The following MICAL3 variants were observed in gnomAD, a reference collection of about 807,000 sequenced individuals.
MICAL3 encodes the protein [F-actin]-monooxygenase MICAL3.
MICAL3 carries 62 observed loss-of-function variants against 207.4 expected under a neutral mutation model. That is an observed-to-expected ratio of 0.30 (90% CI 0.24 to 0.37). The LOEUF (loss-of-function observed/expected upper bound fraction) is 0.37, where lower values mean the gene tolerates loss of function less well. MICAL3 is among the 10% of genes least tolerant of loss of function. MICAL3 has a pLI of 1.00. For synonymous variants in MICAL3, 1,077 were observed against 1,069.3 expected (o/e 1.01, Z -0.14); for missense variants, 2,368 against 2,635.6 (o/e 0.90, Z 2.22).
At position 17,818,417 on chromosome 22, in the gene MICAL3, G is replaced by A. The variant is rs765860781; in HGVS notation, c.4244C>T (p.Ala1415Val). 3.4e-5 allele frequency: 55 copies of A among 1,612,088 alleles called. No individual in the cohort carries two copies. Among genetic ancestry groups the A allele is most frequent in the Non-Finnish European group, 4.4e-5 (52 of 1,179,870 alleles). The change falls in exon 26 of 32, where the codon GCC becomes GTC. Residue 1415 changes from alanine to valine, a missense_variant. By Grantham distance (64) the Ala-to-Val change is moderately conservative. Coordinates refer to ENST00000441493, the MANE Select transcript of MICAL3 (RefSeq NM_015241.3). ...GGACAGCTCCCTGCGCTCCTCCTGG[G>A]CGCTGCGTAGCTCTCTGTCGGACGG... is the stretch of plus-strand genomic sequence containing the variant. Reference protein sequence around the residue: ...RSPSDRELRSAQEERRELSSS... With the variant: ...RSPSDRELRSVQEERRELSSS...
At chr22:17,825,027 C>T (rs10427825) in intron 22 of MICAL3, among the ~76,000 whole-genome samples, 1,975 of 152,252 alleles carry the variant, frequency 0.013, 48 homozygotes, top group African/African-American at 0.044. Context: ...AATATGGCAA[C>T]TCTACACTCT....
In MICAL3 at chr22:17,790,709, A is replaced by T. The variant is rs143409478; in HGVS notation, c.*23T>A. Reference sequence around the variant, plus strand: ...TGCCTGGCCAGGCGGATGCCAACAGAAAATGGAGCGTTGGGTGGGAGCTCA... The same window carrying T: ...TGCCTGGCCAGGCGGATGCCAACAGTAAATGGAGCGTTGGGTGGGAGCTCA... On this transcript the variant is annotated 3_prime_UTR_variant, in exon 32 of 32. Transcript: ENST00000441493. 4.6e-4 allele frequency: 728 copies of T among 1,567,342 alleles called. 7 individuals are homozygous for T. In the East Asian group the frequency reaches 0.014, roughly 30 times the overall value.
chr22:17,796,109 GGGCGCT>G lies in MICAL3; in HGVS notation c.5651-4814_5651-4809del, dbSNP rs1208420936. Among the ~76,000 whole-genome samples, 22 of 152,296 alleles carry G rather than the reference GGGCGCT, an allele frequency of 1.4e-4. No individual in the cohort carries two copies. The highest frequency in any genetic ancestry group is 2.6e-4 in the Non-Finnish European group (18 of 68,012). ...TTCTCAAAGCACTCCTGCGTGCCCT[GGGCGCT>G]GGCCACCCCTCCTGAGCTCCCGAGC... On this transcript the variant is annotated intron_variant, in intron 29 of 31. Transcript: ENST00000441493. This position sits in a 1 kb window ranked among gnomAD's most constrained non-coding sequence, Gnocchi z 4.4.
intron 1 of MICAL3, among the ~76,000 whole-genome samples, chr22:17,989,145 C>T (rs1026008063): frequency 1.3e-5 from 2 of 152,142 alleles, no homozygotes; most frequent in African/African-American, 4.8e-5. Context: ...CCACACTGTA[C>T]CCTGACATCC....
At chr22:17,916,254 T>C (rs1602213832) in intron 1 of MICAL3, among the ~76,000 whole-genome samples, 1 of 152,106 alleles carries the variant, frequency 6.6e-6, no homozygotes, top group Admixed American at 6.6e-5. Flanking sequence ...ATCTGCCGCA[T>C]GTCTCGCTGA....
chr22:18,013,170 C>T (rs1923853123), intron 1 of MICAL3, among the ~76,000 whole-genome samples: 1 of 152,196 alleles, frequency 6.6e-6, no homozygotes, highest in South Asian at 2.1e-4. Context: ...AGGCAGTTAC[C>T]TCCCTATTCT....
chr22:17,818,519 T>C lies in MICAL3; in HGVS notation c.4142A>G (p.Lys1381Arg). ...SPQDEGLHLL[K>R]PLSIPKRLGL... ...CAGCCTTTTGGGGATGGACAGAGGC[T>C]TGAGAAGGTGGAGTCCCTCATCCTG... Residue 1381 changes from lysine to arginine, a missense_variant, in exon 26 of 32, where the codon AAG becomes AGG. This residue lies in a region of MICAL3 where 1,770 missense variants were observed against 1,863.2 expected (regional missense o/e 0.95). Transcript: ENST00000441493. 6.2e-7 allele frequency: 1 copy of C among 1,613,264 alleles called. No homozygotes were observed. Among genetic ancestry groups the C allele is most frequent in the South Asian group, 1.1e-5 (1 of 91,078 alleles).
In MICAL3 at chr22:17,793,773, G is replaced by A. The variant is rs2061849028; in HGVS notation, c.5651-2472C>T. 6.6e-6 allele frequency: 1 copy of A among 152,314 alleles called. No individual in the cohort carries two copies. The highest frequency in any genetic ancestry group is 1.5e-5 in the Non-Finnish European group (1 of 68,140). 9.4% of individuals were successfully genotyped at this position (152,314 alleles called of 1,614,324 possible). ...GCAGAAGGAGAGAGGTCTACGTCGTGGAGTCCCGCCACTGGGCTCAACTTC... is the reference window on the plus strand; with the variant it reads ...GCAGAAGGAGAGAGGTCTACGTCGTAGAGTCCCGCCACTGGGCTCAACTTC... On this transcript the variant is annotated intron_variant, in intron 29 of 31. Coordinates refer to ENST00000441493, the MANE Select transcript of MICAL3 (RefSeq NM_015241.3). This position sits in a 1 kb window ranked among gnomAD's most constrained non-coding sequence, Gnocchi z 4.1.
intron 1 of MICAL3, among the ~76,000 whole-genome samples, chr22:17,965,654 A>C (rs992817340): frequency 1.3e-5 from 2 of 152,230 alleles, no homozygotes; most frequent in African/African-American, 4.8e-5. Context: ...ACTTGCCCCA[A>C]GTCACACAGT....
chr22:17,924,906 C>T (rs1191025558), intron 1 of MICAL3, among the ~76,000 whole-genome samples: 1 of 152,214 alleles, frequency 6.6e-6, no homozygotes, highest in African/African-American at 2.4e-5. Context: ...TCACAGTAAG[C>T]TTCCATCCCT....
chr22:17,841,544 G>A lies in MICAL3; in HGVS notation c.2801+278C>T, dbSNP rs1602026935. The A allele has an allele frequency of 1.8e-6, 1 of 565,794 alleles. No homozygotes were observed. The highest frequency in any genetic ancestry group is 2.8e-5 in the East Asian group (1 of 35,876). The allele number at this position is 565,794 out of a possible 1,614,324, so 35.0% of individuals were successfully genotyped here. ...AATCTGTGAATAACCCGGGGGCAGA[G>A]CCTGCCACTTTCCTTCCCAATGACA... On this transcript the variant is annotated intron_variant, in intron 20 of 31. Coordinates refer to ENST00000441493, the MANE Select transcript of MICAL3 (RefSeq NM_015241.3). This position sits in a 1 kb window ranked among gnomAD's most constrained non-coding sequence, Gnocchi z 4.2.
Position 17,818,201 on chromosome 22 carries a change from G to A in MICAL3, c.4460C>T (p.Pro1487Leu), listed in dbSNP as rs770043023. 42 of 1,556,422 alleles carry A rather than the reference G, an allele frequency of 2.7e-5. No homozygotes were observed. The highest frequency in any genetic ancestry group is 2.1e-4 in the East Asian group (9 of 42,258). ...CATCCAGGTGGCGGGCAAGGGCGGC[G>A]GGACCACCGAGGCATTGGGCTCGGC... ...REAEPNASVVPPPLPATWMRP... is the reference protein window; with the variant it reads ...REAEPNASVVLPPLPATWMRP... The change falls in exon 26 of 32, where the codon CCG (proline) becomes CTG (leucine). Residue 1487 changes from proline to leucine, a missense_variant. This residue lies in a region of MICAL3 where 1,770 missense variants were observed against 1,863.2 expected (regional missense o/e 0.95). Transcript: ENST00000441493.
In MICAL3 at chr22:17,862,604, G is replaced by A. The variant is rs9618147; in HGVS notation, c.2605+2295C>T. 1,407 of 985,320 alleles carry A rather than the reference G, an allele frequency of 1.4e-3. 16 individuals are homozygous for A. The African/African-American group carries it at 0.022, about 15-fold the overall frequency. 61.0% of individuals were successfully genotyped at this position (985,320 alleles called of 1,614,324 possible). The stretch of plus-strand genomic sequence containing the variant: ...ACTTTTCAAAAGGAAGTCTAGTTAA[G>A]TCCTCAAAGCTTCAGTTTCATATTT... On this transcript the variant is annotated intron_variant, in intron 19 of 31. Transcript: ENST00000441493.
chr22:17,900,115 A>G lies in MICAL3; in HGVS notation c.848-567T>C, dbSNP rs1448995822. ...CAACAATCTCATCGCTATCTGACAC[A>G]CGGTTTGCCTTCAAGCCTGAGCTGG... On this transcript the variant is annotated intron_variant, in intron 6 of 31. Coordinates refer to ENST00000441493, the MANE Select transcript of MICAL3 (RefSeq NM_015241.3). The surrounding 1 kb of genome is among the most constrained non-coding windows in gnomAD (Gnocchi z 4.0). 6.6e-6 allele frequency among the ~76,000 whole-genome samples: 1 copy of G among 152,198 alleles called. No homozygotes were observed. The highest frequency in any genetic ancestry group is 2.4e-5 in the African/African-American group (1 of 41,436).
chr22:17,798,394 A>G (rs1345915382), intron 29 of MICAL3, among the ~76,000 whole-genome samples: 1 of 152,012 alleles, frequency 6.6e-6, no homozygotes, highest in Non-Finnish European at 1.5e-5. Flanking sequence ...GTAGATAGAG[A>G]TCATTTTTGG....
chr22:17,853,686 T>A (rs1233395298), intron 19 of MICAL3, among the ~76,000 whole-genome samples: 1 of 152,238 alleles, frequency 6.6e-6, no homozygotes, highest in African/African-American at 2.4e-5. Context: ...ACAGCAAGCA[T>A]GACAGGTGGC....
chr22:17,919,493 AGGACCACTTGATGAACAAACGGCTGT>A (rs1432274490), intron 1 of MICAL3, among the ~76,000 whole-genome samples: 1 of 152,358 alleles, frequency 6.6e-6, no homozygotes, highest in East Asian at 1.9e-4. Flanking sequence ...GTGCACAGTG[AGGACCACTTGATGAACAAACGGCTGT>A]GTATATGAAC....
rs544718727 is a variant in MICAL3, at chr22:17,918,632, G to A, written c.-74-11746C>T. Among the ~76,000 whole-genome samples the A allele has an allele frequency of 8.6e-5, 13 of 151,704 alleles. No individual in the cohort carries two copies. The South Asian group carries it at 2.5e-3, about 29-fold the overall frequency. ...AAAAACAGTTCTGACCTCATGGAGC[G>A]CCCCCCAGACCTGCACCCATACACA... is the stretch of plus-strand genomic sequence containing the variant. On this transcript the variant is annotated intron_variant, in intron 1 of 31. Coordinates refer to ENST00000441493, the MANE Select transcript of MICAL3 (RefSeq NM_015241.3).
intron 1 of MICAL3, among the ~76,000 whole-genome samples, chr22:17,945,986 C>A (rs1330764823): frequency 1.3e-5 from 2 of 152,288 alleles, no homozygotes; most frequent in Middle Eastern, 3.4e-3. Flanking sequence ...AAAGCAATCA[C>A]CTTATCAAGT....
Sources: gnomAD v4.1 joint callset for allele counts (sites outside exome capture counted in the v4.1 genomes callset) on GRCh38, gnomAD v4.1.1 for gene constraint, gnomAD v4.1.1 regional missense constraint, Gnocchi (gnomAD v3.1) non-coding constraint, MANE v1.5 for transcripts, NCBI Gene and HGNC (gene_info 2026-07-23, HGNC 2026-07-21) for gene names.